The following TBL1XR1 variants were observed in gnomAD, a reference collection of about 807,000 sequenced individuals.
The protein encoded by TBL1XR1 is F-box-like/WD repeat-containing protein TBL1XR1.
TBL1XR1 carries 5 observed loss-of-function variants against 66.9 expected under a neutral mutation model. That is an observed-to-expected ratio of 0.07 (90% CI 0.04 to 0.16). The LOEUF (loss-of-function observed/expected upper bound fraction) is 0.16. Ranked by LOEUF, TBL1XR1 falls within the 10% of genes least tolerant of loss-of-function variation. The probability of loss-of-function intolerance (pLI) is 1.00; values close to 1 mark genes in which losing one functional copy is unlikely to be tolerated. For synonymous variants in TBL1XR1, 210 were observed against 206.0 expected, an observed-to-expected ratio of 1.02 and a Z score of -0.17; for missense variants, 238 against 623.2, an observed-to-expected ratio of 0.38 and a Z score of 6.58.
intron 1 of TBL1XR1, among the ~76,000 whole-genome samples, chr3:177,191,387 G>A (rs1178953945): frequency 2.0e-5 from 3 of 152,180 alleles, no homozygotes; most frequent in Non-Finnish European, 2.9e-5. Context: ...AAGACAGACT[G>A]CTAGGTAACA....
intron 1 of TBL1XR1, among the ~76,000 whole-genome samples, chr3:177,145,024 C>T (rs954161219): frequency 6.6e-6 from 1 of 152,176 alleles, no homozygotes; most frequent in Admixed American, 6.5e-5. Context: ...AGCTTTAAAA[C>T]CAAAACTCAA....
chr3:177,130,838 T>G (rs966948157), intron 1 of TBL1XR1, among the ~76,000 whole-genome samples: 1 of 152,054 alleles, frequency 6.6e-6, no homozygotes, highest in Non-Finnish European at 1.5e-5. Flanking sequence ...GGCCACCATA[T>G]TTGGGGTTTA....
At chr3:177,160,116 C>A (rs1028169125) in intron 1 of TBL1XR1, among the ~76,000 whole-genome samples, 1 of 152,032 alleles carries the variant, frequency 6.6e-6, no homozygotes, top group Non-Finnish European at 1.5e-5. Context: ...TCAAGAAGCT[C>A]AAATAACAAG....
chr3:177,098,733 G>T (rs962949638), intron 1 of TBL1XR1, among the ~76,000 whole-genome samples, 192 bp from the exon 2 acceptor site: 4 of 152,092 alleles, frequency 2.6e-5, no homozygotes, highest in African/African-American at 9.7e-5. Flanking sequence ...CAAGTCTTTA[G>T]AACGTTCATA....
At chr3:177,062,709 A>G (rs1325614433) in intron 3 of TBL1XR1, among the ~76,000 whole-genome samples, 3 of 152,212 alleles carry the variant, frequency 2.0e-5, no homozygotes, top group African/African-American at 4.8e-5. Context: ...AGAACATACT[A>G]AACAATTATG....
chr3:177,135,338 C>CATACAT (rs1667242662), intron 1 of TBL1XR1, among the ~76,000 whole-genome samples: 6 of 22,474 alleles, frequency 2.7e-4, no homozygotes, highest in Non-Finnish European at 8.0e-5. Flanking sequence ...TGTGTGTATA[C>CATACAT]ATATATATAT....
intron 3 of TBL1XR1, among the ~76,000 whole-genome samples, chr3:177,064,698 C>T (rs542001933): frequency 6.6e-6 from 1 of 151,042 alleles, no homozygotes; most frequent in South Asian, 2.1e-4. Flanking sequence ...CTTTGAACAA[C>T]GAAAGCCAAA....
At chr3:177,070,130 G>GA (rs2108560666) in intron 2 of TBL1XR1, among the ~76,000 whole-genome samples, 1 of 152,106 alleles carries the variant, frequency 6.6e-6, no homozygotes, top group South Asian at 2.1e-4. Context: ...CTTGAGGCTT[G>GA]AAAGCAGTAA....
At chr3:177,071,992 A>G (rs1720080312) in intron 2 of TBL1XR1, among the ~76,000 whole-genome samples, 1 of 152,212 alleles carries the variant, frequency 6.6e-6, no homozygotes, top group South Asian at 2.1e-4. Flanking sequence ...ACATCACTCC[A>G]TAACCACACT....
intron 5 of TBL1XR1, 76 bp downstream of exon 5, chr3:177,051,428 T>C (rs1423718596): frequency 1.8e-5 from 24 of 1,359,390 alleles, no homozygotes; most frequent in South Asian, 4.4e-5. Context: ...AACCTGCACA[T>C]GTACCCCGAA....
chr3:177,160,436 T>G (rs1034541310), intron 1 of TBL1XR1, among the ~76,000 whole-genome samples: 5 of 149,702 alleles, frequency 3.3e-5, no homozygotes, highest in African/African-American at 1.2e-4. Context: ...ATTGCGCCAC[T>G]GCACTCCAGC....
intron 1 of TBL1XR1, among the ~76,000 whole-genome samples, chr3:177,164,422 T>C (rs1732583481): frequency 6.6e-6 from 1 of 151,648 alleles, no homozygotes; most frequent in African/African-American, 2.4e-5. Flanking sequence ...CAATGTTGGC[T>C]CACTACAACC....
In TBL1XR1 at chr3:177,098,527, T is replaced by G. The variant is rs1723789751; in HGVS notation, c.-107A>C. On this transcript the variant is annotated 5_prime_UTR_variant, in exon 2 of 16. Coordinates refer to ENST00000457928, the MANE Select transcript of TBL1XR1 (RefSeq NM_024665.7). ...ATATCCGGTCACCGCCAATCACAAGTTGCTGTTGTTGATGCTGAGGAAAAG... is the reference window on the plus strand; with the variant it reads ...ATATCCGGTCACCGCCAATCACAAGGTGCTGTTGTTGATGCTGAGGAAAAG... 2.0e-6 allele frequency: 2 copies of G among 985,756 alleles called. No homozygotes were observed. The highest frequency in any genetic ancestry group is 2.4e-6 in the Non-Finnish European group (2 of 829,934). The allele number at this position is 985,756 out of a possible 1,614,324, so 61.1% of individuals were successfully genotyped here. A position where few individuals can be genotyped will look rare whatever the true frequency, so the allele number is the denominator to read the frequency against.
intron 1 of TBL1XR1, among the ~76,000 whole-genome samples, chr3:177,181,004 G>C (rs903709174): frequency 3.9e-5 from 6 of 151,956 alleles, no homozygotes; most frequent in African/African-American, 7.3e-5. Flanking sequence ...CCAAGTACTA[G>C]GATTAGAGGC....
intron 1 of TBL1XR1, among the ~76,000 whole-genome samples, chr3:177,189,544 A>C (rs558661091): frequency 2.6e-5 from 4 of 152,012 alleles, no homozygotes; most frequent in African/African-American, 9.7e-5. Flanking sequence ...AATCCCAGCT[A>C]CTTGGGAGGC....
chr3:177,059,575 T>C (rs1028420358), intron 3 of TBL1XR1, among the ~76,000 whole-genome samples: 1 of 151,990 alleles, frequency 6.6e-6, no homozygotes, highest in African/African-American at 2.4e-5. Context: ...TCTAAGGAGA[T>C]GGAAAATCCC....
intron 1 of TBL1XR1, among the ~76,000 whole-genome samples, chr3:177,109,921 T>C (rs1409241034): frequency 6.6e-6 from 1 of 152,200 alleles, no homozygotes; most frequent in Non-Finnish European, 1.5e-5. Context: ...CAATGATGTA[T>C]GAAGACGTGC....
At chr3:177,054,110 TTACA>T (rs957519048) in intron 3 of TBL1XR1, among the ~76,000 whole-genome samples, 192 bp from the exon 4 acceptor site, 2 of 151,906 alleles carry the variant, frequency 1.3e-5, no homozygotes, top group Non-Finnish European at 2.9e-5. Flanking sequence ...ATGTCAGCCT[TTACA>T]TACTTTCTTT....
intron 1 of TBL1XR1, among the ~76,000 whole-genome samples, chr3:177,120,141 C>A (rs1726812723): frequency 6.6e-6 from 1 of 152,152 alleles, no homozygotes; most frequent in African/African-American, 2.4e-5. Context: ...TACTTTCCAA[C>A]ATGCACTCCT....
Sources: gnomAD v4.1 joint callset for allele counts (sites outside exome capture counted in the v4.1 genomes callset) on GRCh38, gnomAD v4.1.1 for gene constraint, MANE v1.5 for transcripts, NCBI Gene and HGNC (gene_info 2026-07-23, HGNC 2026-07-21) for gene names.